Variants in UBASH3B observed in about 807,000 individuals in gnomAD.
The protein encoded by UBASH3B is ubiquitin associated and SH3 domain containing B, also known as ubiquitin-associated and SH3 domain-containing protein B.
UBASH3B carries 37 observed loss-of-function variants against 83.4 expected under a neutral mutation model. The observed-to-expected ratio is 0.44, with a 90% CI of 0.34 to 0.58. UBASH3B has a LOEUF of 0.58. UBASH3B is among the 20% of genes least tolerant of loss of function. UBASH3B has a pLI of 0.01. For synonymous variants in UBASH3B, 304 were observed against 318.3 expected (o/e 0.96, Z 0.48); for missense variants, 657 against 827.2 (o/e 0.79, Z 2.52).
chr11:122,693,701 C>T (rs1416956788), intron 1 of UBASH3B, among the ~76,000 whole-genome samples: 2 of 151,604 alleles, frequency 1.3e-5, no homozygotes, highest in African/African-American at 2.4e-5. Flanking sequence ...GGTGAAACCC[C>T]GTCTCTACTA....
At chr11:122,699,654 G>T (rs1864016967) in intron 1 of UBASH3B, among the ~76,000 whole-genome samples, 1 of 150,098 alleles carries the variant, frequency 6.7e-6, no homozygotes, top group South Asian at 2.1e-4. Flanking sequence ...GCAATCTCTG[G>T]TTACTGCAAC....
chr11:122,710,394 A>T (rs140455733), intron 1 of UBASH3B, among the ~76,000 whole-genome samples: 1 of 152,276 alleles, frequency 6.6e-6, no homozygotes, highest in Non-Finnish European at 1.5e-5. Flanking sequence ...CAAGCCAGGC[A>T]TTGTGCTGCC....
chr11:122,658,148 C>A (rs1863388625), intron 1 of UBASH3B, among the ~76,000 whole-genome samples: 1 of 145,188 alleles, frequency 6.9e-6, no homozygotes, highest in South Asian at 2.2e-4. Flanking sequence ...TGCACTCTAG[C>A]CTGGGTTACA....
Position 122,810,148 on chromosome 11 carries a change from A to G in UBASH3B, c.*262A>G, listed in dbSNP as rs1024954248. The G allele has an allele frequency of 2.5e-5, 10 of 396,724 alleles. No homozygotes were observed. Among genetic ancestry groups the G allele is most frequent in the Non-Finnish European group, 3.6e-5 (8 of 219,860 alleles). 24.6% of individuals were successfully genotyped at this position (396,724 alleles called of 1,614,324 possible). On this transcript the variant is annotated 3_prime_UTR_variant, in exon 14 of 14. Coordinates refer to ENST00000284273, the MANE Select transcript of UBASH3B (RefSeq NM_032873.5). ...GTCTTCCTAAATCGGGGCACCTGCT[A>G]CAGAAGAGAATGTTTCGTTCCCTCT...
At position 122,806,131 on chromosome 11, in the gene UBASH3B, CTTAT is replaced by C. The variant is rs146724417; in HGVS notation, c.1596-276_1596-273del. Among the ~76,000 whole-genome samples, 929 of 152,296 alleles carry C rather than the reference CTTAT, an allele frequency of 6.1e-3. 6 individuals are homozygous for C. The highest frequency in any genetic ancestry group is 0.022 in the African/African-American group (899 of 41,550). Reference sequence around the variant, plus strand: ...TGTGACTAGGACCATCCATCAATGGCTTATTTGTTATCCCGAGAGTGAAACATGC... The same window carrying C: ...TGTGACTAGGACCATCCATCAATGGCTTGTTATCCCGAGAGTGAAACATGC... On this transcript the variant is annotated intron_variant, in intron 11 of 13. Transcript: ENST00000284273. The surrounding 1 kb of genome is among the most constrained non-coding windows in gnomAD (Gnocchi z 4.0).
At chr11:122,775,559 TTAA>T (rs2135138246) in intron 1 of UBASH3B, 1 of 152,276 alleles carries the variant, frequency 6.6e-6, no homozygotes, top group East Asian at 1.9e-4. Context: ...GCCCTATGTC[TTAA>T]TAATAATTAG....
In UBASH3B at chr11:122,663,281, G is replaced by A. The variant is rs146356316; in HGVS notation, c.161+7071G>A. On this transcript the variant is annotated intron_variant, in intron 1 of 13. Transcript: ENST00000284273. ...CATAAGCCACCGCGCCTGGCCTTAC[G>A]CCAGAATTTCTAATAATACCTTAAG... 5.0e-3 allele frequency among the ~76,000 whole-genome samples: 768 copies of A among 152,252 alleles called. 3 individuals carry two copies. Among genetic ancestry groups the A allele is most frequent in the Non-Finnish European group, 8.0e-3 (546 of 68,020 alleles).
At chr11:122,798,585 C>T (rs1861192392) in intron 9 of UBASH3B, among the ~76,000 whole-genome samples, 1 of 151,864 alleles carries the variant, frequency 6.6e-6, no homozygotes, top group African/African-American at 2.4e-5. Flanking sequence ...GTGGTGCGCG[C>T]CTGTACTCCC....
Position 122,810,225 on chromosome 11 carries a change from G to A in UBASH3B, c.*339G>A, listed in dbSNP as rs752445876. ...TTCTCCCAGAGGGAGCTGCTGGCCC[G>A]CTCTAAGGGGTGCAAGAGGAAGGAG... On this transcript the variant is annotated 3_prime_UTR_variant, in exon 14 of 14. Coordinates refer to ENST00000284273, the MANE Select transcript of UBASH3B (RefSeq NM_032873.5). The A allele has an allele frequency of 1.5e-4, 29 of 194,662 alleles. No individual in the cohort carries two copies. The highest frequency in any genetic ancestry group is 6.1e-4 in the Admixed American group (11 of 18,008). The allele number at this position is 194,662 out of a possible 1,614,324, so 12.1% of individuals were successfully genotyped here. A position where few individuals can be genotyped will look rare whatever the true frequency, so the allele number is the denominator to read the frequency against.
chr11:122,656,351 G>A, intron 1 of UBASH3B, 141 bp downstream of exon 1: 4 of 883,766 alleles, frequency 4.5e-6, no homozygotes, highest in Non-Finnish European at 4.5e-6. Context: ...GGCGGGATGG[G>A]CGCGCTGGCA....
chr11:122,773,983 C>T lies in UBASH3B; in HGVS notation c.162-2236C>T, dbSNP rs1193602212. 8 of 984,794 alleles carry T rather than the reference C, an allele frequency of 8.1e-6. No individual in the cohort carries two copies. In the African/African-American group the frequency reaches 1.2e-4, roughly 15 times the overall value. 61.0% of individuals were successfully genotyped at this position (984,794 alleles called of 1,614,324 possible). On this transcript the variant is annotated intron_variant, in intron 1 of 13. Transcript: ENST00000284273. ...GGAACAATGGGTCCTTTTTTGGTGA[C>T]TTTAATTCCTCAGAGATTCTAACCT...
chr11:122,789,683 G>A (rs1017065693), intron 6 of UBASH3B, among the ~76,000 whole-genome samples: 3 of 152,102 alleles, frequency 2.0e-5, no homozygotes, highest in Admixed American at 6.6e-5. Flanking sequence ...GCAGCTGGGC[G>A]GATTACTACC....
chr11:122,695,781 G>T (rs998573094), intron 1 of UBASH3B, among the ~76,000 whole-genome samples: 1 of 151,948 alleles, frequency 6.6e-6, no homozygotes, highest in Non-Finnish European at 1.5e-5. Flanking sequence ...CAGCATTTTT[G>T]CATCAACACA....
intron 9 of UBASH3B, among the ~76,000 whole-genome samples, chr11:122,798,635 C>T (rs11822735): frequency 0.013 from 1,964 of 147,336 alleles, 51 homozygotes; most frequent in African/African-American, 0.046. Flanking sequence ...GGCTTGAACC[C>T]GGGAGGCAGA....
At chr11:122,762,468 A>T (rs902772795) in intron 1 of UBASH3B, among the ~76,000 whole-genome samples, 1 of 152,150 alleles carries the variant, frequency 6.6e-6, no homozygotes, top group Admixed American at 6.5e-5. Flanking sequence ...TTCTGTTAGG[A>T]TACTTCCGCT....
At chr11:122,700,097 G>A (rs1036494951) in intron 1 of UBASH3B, among the ~76,000 whole-genome samples, 5 of 152,164 alleles carry the variant, frequency 3.3e-5, no homozygotes, top group South Asian at 2.1e-4. Context: ...GCGGAGACCC[G>A]ACATGCTGCA....
At chr11:122,733,584 C>A (rs910798896) in intron 1 of UBASH3B, among the ~76,000 whole-genome samples, 1 of 152,240 alleles carries the variant, frequency 6.6e-6, no homozygotes, top group Admixed American at 6.5e-5. Context: ...AGACAATCTA[C>A]TTCCCATAAT....
intron 1 of UBASH3B, among the ~76,000 whole-genome samples, chr11:122,691,518 C>G (rs368250938): frequency 2.6e-5 from 4 of 152,278 alleles, no homozygotes. Flanking sequence ...GTTATAAAAA[C>G]CAGGCCAATG....
intron 1 of UBASH3B, among the ~76,000 whole-genome samples, chr11:122,709,643 C>A (rs921141688): frequency 1.3e-5 from 2 of 152,100 alleles, no homozygotes; most frequent in Admixed American, 6.5e-5. Flanking sequence ...TATAGGCCTA[C>A]AATCAGCAGA....
Sources: allele counts gnomAD v4.1 joint callset (sites outside exome capture counted in the v4.1 genomes callset), GRCh38; gene constraint gnomAD v4.1.1; non-coding constraint Gnocchi (gnomAD v3.1); transcripts MANE v1.5; gene names NCBI Gene and HGNC (gene_info 2026-07-23, HGNC 2026-07-21).